SMAD2: variants seen among roughly 807,000 people sequenced by gnomAD.
SMAD2 encodes SMAD family member 2, also known as MAD homolog 2.
Under a neutral mutation model 64.4 loss-of-function variants are expected in SMAD2, and 8 were observed. The ratio of observed to expected loss-of-function variants is 0.12; its 90% CI spans 0.07 to 0.22. SMAD2 has a LOEUF of 0.22. SMAD2 is among the 10% of genes least tolerant of loss of function. The probability of loss-of-function intolerance (pLI) is 1.00; values close to 1 mark genes in which losing one functional copy is unlikely to be tolerated. For synonymous variants in SMAD2, 203 were observed against 195.8 expected (o/e 1.04, Z -0.31); for missense variants, 289 against 561.2 (o/e 0.51, Z 4.90).
At chr18:47,866,632 T>C (rs2031581453) in intron 5 of SMAD2, among the ~76,000 whole-genome samples, 1 of 152,192 alleles carries the variant, frequency 6.6e-6, no homozygotes, top group South Asian at 2.1e-4. Flanking sequence ...ATGCTGAACC[T>C]TAAAATACGT....
intron 1 of SMAD2, chr18:47,920,025 G>A (rs894190115): frequency 1.3e-5 from 2 of 152,180 alleles, no homozygotes; most frequent in South Asian, 2.1e-4. Flanking sequence ...GTATAACAAA[G>A]TACTACAGAC....
rs1348639722 is a variant in SMAD2, at chr18:47,834,366, GT to G, written c.*7460del. The G allele has an allele frequency of 4.8e-6, 1 of 208,012 alleles. No homozygotes were observed. Among genetic ancestry groups the G allele is most frequent in the Non-Finnish European group, 9.8e-6 (1 of 102,106 alleles). 12.9% of individuals were successfully genotyped at this position (208,012 alleles called of 1,614,324 possible). A position where few individuals can be genotyped will look rare whatever the true frequency, so the allele number is the denominator to read the frequency against. ...TTGGGCAGTGGTTAAGGCCTCTGAT[GT>G]GCTACTTATCAGAAAAATCCACATA... is the stretch of plus-strand genomic sequence containing the variant. On this transcript the variant is annotated 3_prime_UTR_variant, in exon 11 of 11. Transcript: ENST00000262160.
At chr18:47,845,126 T>C in intron 10 of SMAD2, 1 of 631,436 alleles carries the variant, frequency 1.6e-6, no homozygotes, top group Non-Finnish European at 2.8e-6. Context: ...TACGTTAAAA[T>C]GCACGCCTGT....
chr18:47,868,243 C>T, intron 5 of SMAD2, 80 bp downstream of exon 5: 2 of 1,241,756 alleles, frequency 1.6e-6, no homozygotes, highest in Non-Finnish European at 2.4e-6. Context: ...AAAGTGAAAC[C>T]ACAATTTACT....
intron 5 of SMAD2, among the ~76,000 whole-genome samples, chr18:47,866,316 C>CAAAAAAA (rs34302955): frequency 1.1e-3 from 46 of 42,062 alleles, no homozygotes; most frequent in African/African-American, 3.8e-3. Flanking sequence ...AACACCGTCT[C>CAAAAAAA]AAAAAAAAAA....
chr18:47,907,858 C>T (rs1321938657), intron 1 of SMAD2, among the ~76,000 whole-genome samples: 5 of 152,120 alleles, frequency 3.3e-5, no homozygotes, highest in Non-Finnish European at 5.9e-5. Context: ...TCACTAGAGC[C>T]CAGGAGGCAG....
At chr18:47,898,852 G>A (rs2033557942) in intron 1 of SMAD2, among the ~76,000 whole-genome samples, 1 of 151,482 alleles carries the variant, frequency 6.6e-6, no homozygotes, top group South Asian at 2.1e-4. Context: ...TTCCTTGGCA[G>A]CTTGCCATTT....
In SMAD2 at chr18:47,919,852, T is replaced by G. The variant is rs376537275; in HGVS notation, c.-54+10509A>C. Among the ~76,000 whole-genome samples the G allele has an allele frequency of 1.8e-4, 27 of 152,252 alleles. 1 individual carries two copies. The East Asian group carries it at 4.6e-3, about 26-fold the overall frequency. On this transcript the variant is annotated intron_variant, in intron 1 of 10. Coordinates refer to ENST00000262160, the MANE Select transcript of SMAD2 (RefSeq NM_005901.6). ...AGATTACAACGCAAAAGAAAAAAATTTTGCCTAAGTGGAATTCTTATGTTA... is the reference window on the plus strand; with the variant it reads ...AGATTACAACGCAAAAGAAAAAAATGTTGCCTAAGTGGAATTCTTATGTTA...
At chr18:47,859,963 T>C (rs1216707769) in intron 6 of SMAD2, among the ~76,000 whole-genome samples, 1 of 152,156 alleles carries the variant, frequency 6.6e-6, no homozygotes, top group Non-Finnish European at 1.5e-5. Flanking sequence ...GGTGAAATCC[T>C]ATCTCTAAAT....
In SMAD2 at chr18:47,845,504, A is replaced by C; in HGVS notation, c.1136-20T>G. 2.5e-6 allele frequency: 4 copies of C among 1,610,628 alleles called. No homozygotes were observed. The highest frequency in any genetic ancestry group is 2.5e-6 in the Non-Finnish European group (3 of 1,176,904). On this transcript the variant is annotated intron_variant, in intron 9 of 10. Coordinates refer to ENST00000262160, the MANE Select transcript of SMAD2 (RefSeq NM_005901.6). ...TACAGCCTATGATTAAAAAAGGTAA[A>C]AGAAATTGTCAAAAGAGTATCATTA...
At chr18:47,892,028 AG>A (rs1304433632) in intron 2 of SMAD2, among the ~76,000 whole-genome samples, 7 of 152,182 alleles carry the variant, frequency 4.6e-5, no homozygotes, top group Admixed American at 3.3e-4. Context: ...TATCAAGCTA[AG>A]AAAACTCTTA....
At chr18:47,845,131 G>A (rs946802462) in intron 10 of SMAD2, 15 of 635,440 alleles carry the variant, frequency 2.4e-5, no homozygotes, top group Non-Finnish European at 3.9e-5. Context: ...TAAAATGCAC[G>A]CCTGTGCATG....
chr18:47,886,562 T>TCTATCC (rs1326579676), intron 2 of SMAD2, among the ~76,000 whole-genome samples: 390 of 130,688 alleles, frequency 3.0e-3, no homozygotes, highest in African/African-American at 0.01. Context: ...ACTATATCTA[T>TCTATCC]ATCTATCCAT....
intron 1 of SMAD2, among the ~76,000 whole-genome samples, chr18:47,899,083 T>C (rs1309919248): frequency 6.6e-6 from 1 of 151,996 alleles, no homozygotes; most frequent in African/African-American, 2.4e-5. Flanking sequence ...AGCAGAGAAT[T>C]GCAATACACA....
rs1912537713 is a variant in SMAD2 at position 47,820,664 on chromosome 18, G to C, written c.*21163C>G. On this transcript the variant is annotated 3_prime_UTR_variant, in exon 11 of 11. Transcript: ENST00000262160. ...TTAAGGGGAAGTATAAAACAAAGCA[G>C]AAAGTTTAAGCATGTCACTGAAGGT... The C allele has an allele frequency of 6.6e-6, 1 of 152,126 alleles. No homozygotes were observed. The highest frequency in any genetic ancestry group is 1.5e-5 in the Non-Finnish European group (1 of 68,014). The allele number at this position is 152,126 out of a possible 1,614,324, so 9.4% of individuals were successfully genotyped here.
chr18:47,851,301 T>C lies in SMAD2; in HGVS notation c.757A>G (p.Thr253Ala), dbSNP rs2144318911. The C allele has an allele frequency of 6.2e-7, 1 of 1,608,774 alleles. No individual in the cohort carries two copies. The highest frequency in any genetic ancestry group is 8.5e-7 in the Non-Finnish European group (1 of 1,176,136). Residue 253 changes from threonine (T) to alanine (A), a missense_variant, in exon 7 of 11, where the codon ACT (threonine) becomes GCT (alanine). This residue lies in a region of SMAD2 where 119 missense variants were observed against 156.7 expected (regional missense o/e 0.76). Transcript: ENST00000262160. ...AAGCTATGATTAACAGGGGAAAGAG[T>C]AGTAGGAGATAGTTCTGCTGGAGAG... is the stretch of plus-strand genomic sequence containing the variant. ...TGSPAELSPT[T>A]LSPVNHSLDL...
intron 1 of SMAD2, among the ~76,000 whole-genome samples, chr18:47,926,709 T>C (rs1287368911): frequency 6.6e-6 from 1 of 152,238 alleles, no homozygotes; most frequent in Non-Finnish European, 1.5e-5. Context: ...CAGGCCTTTG[T>C]TGTTCATTGT....
chr18:47,850,591 T>C (rs868121592), intron 7 of SMAD2, among the ~76,000 whole-genome samples: 1 of 49,160 alleles, frequency 2.0e-5, no homozygotes, highest in South Asian at 5.2e-4. Flanking sequence ...ATATATATAT[T>C]ATATATATTA....
At chr18:47,884,000 C>T (rs1381120946) in intron 2 of SMAD2, among the ~76,000 whole-genome samples, 1 of 152,122 alleles carries the variant, frequency 6.6e-6, no homozygotes, top group African/African-American at 2.4e-5. Flanking sequence ...CCAGGCAAGT[C>T]TCAGCATATG....
Sources: gnomAD v4.1 joint callset for allele counts (sites outside exome capture counted in the v4.1 genomes callset) on GRCh38, gnomAD v4.1.1 for gene constraint, gnomAD v4.1.1 regional missense constraint, MANE v1.5 for transcripts, NCBI Gene and HGNC (gene_info 2026-07-23, HGNC 2026-07-21) for gene names.